Variants in ZNF469 observed in about 807,000 individuals in gnomAD.
ZNF469 encodes zinc finger protein 469.
A neutral mutation model predicts 1.0 loss-of-function variants in ZNF469; 1 was observed. The observed-to-expected ratio is 1.00, with a 90% CI of 0.35 to 4.73. The LOEUF (loss-of-function observed/expected upper bound fraction) is 4.73, where lower values mean the gene tolerates loss of function less well. ZNF469 is among the 30% of genes most tolerant of loss of function. The pLI is 0.16. For synonymous variants in ZNF469, 2,703 were observed against 2,363.4 expected, an observed-to-expected ratio of 1.14 and a Z score of -4.17; for missense variants, 6,100 against 5,356.3, an observed-to-expected ratio of 1.14 and a Z score of -4.33.
the ZNF469 span, among the ~76,000 whole-genome samples, chr16:88,337,778 T>G: frequency 4.3e-3 from 655 of 152,322 alleles, 3 homozygotes; most frequent in Non-Finnish European, 6.8e-3. Flanking sequence ...CAGGCATCTC[T>G]CCATGTGCGT....
the ZNF469 span, among the ~76,000 whole-genome samples, chr16:88,251,808 C>T: frequency 2.6e-5 from 4 of 151,922 alleles, no homozygotes; most frequent in African/African-American, 7.3e-5. Context: ...ATCCACCTGC[C>T]TCGGCCTCCC....
chr16:88,229,610 T>TATGTCAC, the ZNF469 span, among the ~76,000 whole-genome samples: 386 of 54,972 alleles, frequency 7.0e-3, 1 homozygote, highest in Non-Finnish European at 0.015. Flanking sequence ...CACGCGTGTG[T>TATGTCAC]GCTGATGTCA....
rs928544471 is a variant in ZNF469, at chr16:88,434,456, A to G, written c.6986A>G (p.Tyr2329Cys). Residue 2329 changes from tyrosine (Y) to cysteine (C), a missense_variant, in exon 3 of 3, where the codon TAT (tyrosine) becomes TGT (cysteine). By Grantham distance (194) the Tyr-to-Cys change is radical. Transcript: ENST00000565624. ...PDRMPRGHSSYSPSNTARLGH... is the reference protein window; with the variant it reads ...PDRMPRGHSSCSPSNTARLGH... ...AGGATGCCCAGGGGCCACTCCTCGT[A>G]TTCTCCAAGCAATACTGCCCGCCTC... 18 of 1,549,664 alleles carry G rather than the reference A, an allele frequency of 1.2e-5. No individual in the cohort carries two copies. In the African/African-American group the frequency reaches 1.2e-4, roughly 11 times the overall value.
At chr16:88,218,605 A>G in the ZNF469 span, among the ~76,000 whole-genome samples, 1 of 151,688 alleles carries the variant, frequency 6.6e-6, no homozygotes, top group Non-Finnish European at 1.5e-5. Context: ...TTAGGTATTG[A>G]TGGGACGTAT....
the ZNF469 span, among the ~76,000 whole-genome samples, chr16:88,272,859 T>C: frequency 6.7e-6 from 1 of 148,434 alleles, no homozygotes; most frequent in Non-Finnish European, 1.5e-5. Flanking sequence ...AGTGGACGGA[T>C]GGATGAATGG....
At chr16:88,208,959 TC>T in the ZNF469 span, among the ~76,000 whole-genome samples, 1 of 151,838 alleles carries the variant, frequency 6.6e-6, no homozygotes, top group Non-Finnish European at 1.5e-5. Context: ...ATTTGCTCAG[TC>T]CTAGAATAAA....
the ZNF469 span, among the ~76,000 whole-genome samples, chr16:88,322,266 G>A: frequency 6.6e-6 from 1 of 152,220 alleles, no homozygotes; most frequent in African/African-American, 2.4e-5. Flanking sequence ...GAAATCGGAG[G>A]CCAGGTGAAT....
chr16:88,157,872 C>A, the ZNF469 span, among the ~76,000 whole-genome samples: 29 of 152,046 alleles, frequency 1.9e-4, no homozygotes, highest in East Asian at 5.1e-3. Flanking sequence ...GGTGAGGATG[C>A]CTGGGTCTCT....
chr16:88,231,759 AC>A, the ZNF469 span, among the ~76,000 whole-genome samples: 1 of 151,632 alleles, frequency 6.6e-6, no homozygotes, highest in Non-Finnish European at 1.5e-5. The surrounding 1 kb of genome is among the most constrained non-coding windows in gnomAD (Gnocchi z 4.5). Flanking sequence ...CACCGGGACA[AC>A]CCCGGGCCAC....
chr16:88,199,603 C>A, the ZNF469 span, among the ~76,000 whole-genome samples: 2 of 152,212 alleles, frequency 1.3e-5, no homozygotes, highest in Admixed American at 6.5e-5. Context: ...TTCTCCAGAA[C>A]CAGCCGGCTC....
chr16:88,439,337 T>C lies in ZNF469; in HGVS notation c.*5T>C, dbSNP rs900870686. The C allele has an allele frequency of 5.4e-5, 84 of 1,550,102 alleles. 1 individual carries two copies. The highest frequency in any genetic ancestry group is 6.9e-5 in the Non-Finnish European group (79 of 1,146,956). On this transcript the variant is annotated 3_prime_UTR_variant, in exon 3 of 3. Transcript: ENST00000565624. ...AAGAAAGATGCTTCCGAGTAATTTCTAGGAGCAAGAGCCTGGGACCGGAGC... is the reference window on the plus strand; with the variant it reads ...AAGAAAGATGCTTCCGAGTAATTTCCAGGAGCAAGAGCCTGGGACCGGAGC...
chr16:88,419,609 C>T (rs535837079), intron 1 of ZNF469, among the ~76,000 whole-genome samples: 1 of 152,200 alleles, frequency 6.6e-6, no homozygotes, highest in Non-Finnish European at 1.5e-5. Flanking sequence ...CCGGCAGCCT[C>T]CCACTCCCTG....
At chr16:88,127,084 C>T in the ZNF469 span, among the ~76,000 whole-genome samples, 1 of 152,110 alleles carries the variant, frequency 6.6e-6, no homozygotes, top group Admixed American at 6.5e-5. Context: ...CGGCCTCCCA[C>T]AGTGCTGGGA....
chr16:88,183,189 CCG>C, the ZNF469 span, among the ~76,000 whole-genome samples: 2 of 152,204 alleles, frequency 1.3e-5, no homozygotes, highest in African/African-American at 2.4e-5. Flanking sequence ...GATGAAAATG[CCG>C]CGCGCCTGGA....
chr16:88,246,950 A>G, the ZNF469 span, among the ~76,000 whole-genome samples: 1 of 152,052 alleles, frequency 6.6e-6, no homozygotes, highest in Non-Finnish European at 1.5e-5. Context: ...TAAGTGAATG[A>G]ATGAATGAGT....
chr16:88,146,018 A>C, the ZNF469 span, among the ~76,000 whole-genome samples: 4 of 152,346 alleles, frequency 2.6e-5, no homozygotes, highest in East Asian at 7.7e-4. Context: ...TCTGGGCTTG[A>C]GAACAGGAAC....
the ZNF469 span, among the ~76,000 whole-genome samples, chr16:88,109,235 G>C: frequency 6.6e-6 from 1 of 152,160 alleles, no homozygotes; most frequent in South Asian, 2.1e-4. Flanking sequence ...TTCTTTGTGG[G>C]TGAGGCCCCA....
chr16:88,359,904 T>C, the ZNF469 span, among the ~76,000 whole-genome samples: 1 of 152,240 alleles, frequency 6.6e-6, no homozygotes, highest in South Asian at 2.1e-4. Flanking sequence ...GTTCATCTTA[T>C]TTTTTGATGC....
At chr16:88,107,604 G>A in the ZNF469 span, among the ~76,000 whole-genome samples, 1 of 152,200 alleles carries the variant, frequency 6.6e-6, no homozygotes, top group Non-Finnish European at 1.5e-5. Flanking sequence ...TGTGGCTGAG[G>A]GTCACGAGGC....
Sources: allele counts gnomAD v4.1 joint callset (sites outside exome capture counted in the v4.1 genomes callset), GRCh38; gene constraint gnomAD v4.1.1; non-coding constraint Gnocchi (gnomAD v3.1); transcripts MANE v1.5; gene names NCBI Gene and HGNC (gene_info 2026-07-23, HGNC 2026-07-21).